The following MRE11 variants were observed in gnomAD, a reference collection of about 807,000 sequenced individuals.
The protein encoded by MRE11 is double-strand break repair protein MRE11.
MRE11 carries 62 observed loss-of-function variants against 91.7 expected under a neutral mutation model. That is an observed-to-expected ratio of 0.68 (90% CI 0.55 to 0.84). The LOEUF is 0.84. Ranked by LOEUF, MRE11 falls within the 40% of genes least tolerant of loss-of-function variation. The probability of loss-of-function intolerance (pLI) is 0.00; values close to 1 mark genes in which losing one functional copy is unlikely to be tolerated. For missense variants in MRE11, 796 were observed against 852.9 expected, an observed-to-expected ratio of 0.93 and a Z score of 0.83; for synonymous variants, 273 against 271.4, an observed-to-expected ratio of 1.01 and a Z score of -0.06.
At chr11:94,454,761 T>C (rs1197372881) in intron 14 of MRE11, among the ~76,000 whole-genome samples, 1 of 152,118 alleles carries the variant, frequency 6.6e-6, no homozygotes, top group African/African-American at 2.4e-5. Context: ...TAATGAAAAA[T>C]TGAGGTTTGT....
At chr11:94,421,883 T>C (rs1288185106) in intron 19 of MRE11, among the ~76,000 whole-genome samples, 1 of 152,160 alleles carries the variant, frequency 6.6e-6, no homozygotes, top group Non-Finnish European at 1.5e-5. Context: ...AGTGGAATGG[T>C]AGTTACCAGG....
intron 17 of MRE11, among the ~76,000 whole-genome samples, chr11:94,436,727 A>G (rs751183560): frequency 1.3e-5 from 2 of 152,236 alleles, no homozygotes; most frequent in Admixed American, 6.5e-5. Context: ...GGCCCAGGCT[A>G]AACCTAGGGC....
upstream of MRE11, chr11:94,498,245 C>T (rs772333975): frequency 3.1e-6 from 5 of 1,614,150 alleles, 1 homozygote; most frequent in Middle Eastern, 3.3e-4. Flanking sequence ...CTGGACGCCC[C>T]TGCACAGTGC....
intron 16 of MRE11, among the ~76,000 whole-genome samples, chr11:94,437,828 C>T (rs867800299): frequency 1.6e-4 from 24 of 152,118 alleles, no homozygotes; most frequent in South Asian, 2.1e-4. Flanking sequence ...TCCTTGACAT[C>T]GAAACCTACA....
At chr11:94,464,028 C>A in intron 11 of MRE11, 85 bp downstream of exon 11, 1 of 1,405,610 alleles carries the variant, frequency 7.1e-7, no homozygotes, top group Non-Finnish European at 1.0e-6. Context: ...AAACATCTTC[C>A]ATTATTATGT....
chr11:94,491,998 T>G (rs529770290), intron 2 of MRE11, among the ~76,000 whole-genome samples: 1 of 152,210 alleles, frequency 6.6e-6, no homozygotes, highest in African/African-American at 2.4e-5. Flanking sequence ...GAAAAAGGTA[T>G]AATTATTCCA....
intron 10 of MRE11, among the ~76,000 whole-genome samples, chr11:94,465,120 T>A (rs1946526758): frequency 6.6e-6 from 1 of 152,224 alleles, no homozygotes; most frequent in Non-Finnish European, 1.5e-5. Context: ...AGGTACTCAG[T>A]AAGATTTAGT....
At chr11:94,427,094 CA>C (rs1945343403) in intron 19 of MRE11, among the ~76,000 whole-genome samples, 1 of 152,036 alleles carries the variant, frequency 6.6e-6, no homozygotes, top group African/African-American at 2.4e-5. Context: ...CACAACAAAA[CA>C]AAGAAAACTT....
the MRE11 span, among the ~76,000 whole-genome samples, chr11:94,511,498 C>G: frequency 6.6e-6 from 1 of 152,098 alleles, no homozygotes; most frequent in African/African-American, 2.4e-5. Context: ...TTCAATTTAT[C>G]TATAATGGGA....
intron 3 of MRE11, among the ~76,000 whole-genome samples, chr11:94,488,598 T>C (rs1456522274): frequency 6.6e-6 from 1 of 152,166 alleles, no homozygotes; most frequent in East Asian, 1.9e-4. Flanking sequence ...GTGGTACATA[T>C]AAACCATGGA....
intron 15 of MRE11, among the ~76,000 whole-genome samples, chr11:94,446,301 G>A (rs1945928271): frequency 6.6e-6 from 1 of 152,172 alleles, no homozygotes; most frequent in African/African-American, 2.4e-5. Flanking sequence ...CAGCTACCTG[G>A]GAGGCTGAGG....
chr11:94,431,571 T>G (rs570697529), intron 18 of MRE11, among the ~76,000 whole-genome samples: 1 of 152,322 alleles, frequency 6.6e-6, no homozygotes, highest in South Asian at 2.1e-4. Context: ...TTAGTTACCA[T>G]ACCAAGAAGC....
intron 12 of MRE11, among the ~76,000 whole-genome samples, chr11:94,460,358 T>G (rs1040376900): frequency 6.6e-6 from 1 of 152,248 alleles, no homozygotes; most frequent in Non-Finnish European, 1.5e-5. Context: ...GAGTGGCATA[T>G]ACTTATGACG....
At position 94,447,470 on chromosome 11, in the gene MRE11, A is replaced by C. The variant is rs1337471669; in HGVS notation, c.1564-32T>G. 3.8e-6 allele frequency: 6 copies of C among 1,591,126 alleles called. No homozygotes were observed. The East Asian group carries it at 8.9e-5, about 24-fold the overall frequency. On this transcript the variant is annotated intron_variant, in intron 14 of 19. Coordinates refer to ENST00000323929, the MANE Select transcript of MRE11 (RefSeq NM_005591.4). ...GGGAGAAGAAGGAGAAAGTACACAC[A>C]ATGAGATAACGTACCATCCTAAAAA... is the stretch of plus-strand genomic sequence containing the variant.
chr11:94,438,774 A>T (rs552343527), intron 16 of MRE11, among the ~76,000 whole-genome samples: 8 of 152,338 alleles, frequency 5.3e-5, no homozygotes, highest in African/African-American at 1.9e-4. Context: ...GACTATGGCC[A>T]AGCTCCTTGG....
At chr11:94,448,243 G>GA (rs1206327796) in intron 14 of MRE11, among the ~76,000 whole-genome samples, 5 of 151,876 alleles carry the variant, frequency 3.3e-5, no homozygotes, top group Non-Finnish European at 5.9e-5. Flanking sequence ...TTTATAATCA[G>GA]AAAAAAACAT....
chr11:94,485,709 T>C (rs1947123781), intron 4 of MRE11, among the ~76,000 whole-genome samples: 1 of 151,808 alleles, frequency 6.6e-6, no homozygotes, highest in Non-Finnish European at 1.5e-5. Flanking sequence ...GGGGCTCAAG[T>C]AATCCTCCCA....
chr11:94,473,185 G>A (rs1447223476), intron 7 of MRE11: 2 of 152,102 alleles, frequency 1.3e-5, no homozygotes, highest in Non-Finnish European at 2.9e-5. Flanking sequence ...TAAATGCAGG[G>A]AAGACAGAAT....
chr11:94,480,995 T>C (rs559789627), intron 4 of MRE11, among the ~76,000 whole-genome samples: 2 of 152,322 alleles, frequency 1.3e-5, no homozygotes, highest in South Asian at 2.1e-4. Flanking sequence ...CTTTTTCTTA[T>C]GAGTGAAATC....
Sources: gnomAD v4.1 joint callset for allele counts (sites outside exome capture counted in the v4.1 genomes callset) on GRCh38, gnomAD v4.1.1 for gene constraint, MANE v1.5 for transcripts, NCBI Gene and HGNC (gene_info 2026-07-23, HGNC 2026-07-21) for gene names.